The following RSRP1 variants were observed in gnomAD, a reference collection of about 807,000 sequenced individuals.
RSRP1 encodes arginine/serine-rich protein 1.
A neutral mutation model predicts 33.0 loss-of-function variants in RSRP1; 37 were observed. The ratio of observed to expected loss-of-function variants is 1.12; its 90% CI spans 0.86 to 1.48. The LOEUF (loss-of-function observed/expected upper bound fraction) is 1.48. RSRP1 is among the 40% of genes most tolerant of loss of function. RSRP1 has a pLI of 0.00. For synonymous variants in RSRP1, 167 were observed against 158.7 expected (o/e 1.05, Z -0.40); for missense variants, 402 against 385.3 (o/e 1.04, Z -0.36).
intron 1 of RSRP1, chr1:25,307,941 C>T: frequency 1.3e-6 from 1 of 790,658 alleles, no homozygotes; most frequent in Non-Finnish European, 2.0e-6. Flanking sequence ...AGAACCTTTC[C>T]TGTCTCTGGG....
chr1:25,290,606 T>G, intron 1 of RSRP1: 1 of 1,339,214 alleles, frequency 7.5e-7, no homozygotes, highest in Non-Finnish European at 1.1e-6. Flanking sequence ...GCATCCTTCC[T>G]TCTCAGTCGT....
intron 1 of RSRP1, among the ~76,000 whole-genome samples, chr1:25,302,397 G>A (rs1643458448): frequency 7.8e-6 from 1 of 128,558 alleles, no homozygotes; most frequent in African/African-American, 2.7e-5. Context: ...AGGCACTGGG[G>A]GGGCTGGAGT....
intron 1 of RSRP1, among the ~76,000 whole-genome samples, chr1:25,312,955 A>AAAAAAAAAATT: frequency 9.1e-6 from 1 of 109,972 alleles, no homozygotes; most frequent in Admixed American, 9.0e-5. Flanking sequence ...AAAAAAAAAA[A>AAAAAAAAAATT]CTTTAGTGCT....
chr1:25,269,524 G>C (rs1443521064), intron 1 of RSRP1, among the ~76,000 whole-genome samples: 1 of 132,568 alleles, frequency 7.5e-6, no homozygotes, highest in Non-Finnish European at 1.8e-5. Flanking sequence ...TGAAAGACTT[G>C]TACAGTGAAA....
At chr1:25,244,247 T>A (rs922115998) in intron 3 of RSRP1, 8 of 1,289,246 alleles carry the variant, frequency 6.2e-6, no homozygotes, top group South Asian at 2.5e-5. Context: ...GCATATATTA[T>A]GAAAGGGACA....
At chr1:25,306,522 A>G in intron 1 of RSRP1, 4 of 1,295,826 alleles carry the variant, frequency 3.1e-6, no homozygotes, top group Non-Finnish European at 4.4e-6. Flanking sequence ...CCGGATACCA[A>G]GGGTGTGTGA....
intron 1 of RSRP1, among the ~76,000 whole-genome samples, chr1:25,320,100 G>A (rs1310381889): frequency 7.6e-6 from 1 of 131,226 alleles, no homozygotes; most frequent in Non-Finnish European, 1.8e-5. Flanking sequence ...GTTTCTCCAT[G>A]TTGGTCATGC....
Position 25,301,135 on chromosome 1 carries a change from G to A in RSRP1, c.-67+36843C>T, listed in dbSNP as rs777423423. On this transcript the variant is annotated intron_variant, in intron 1 of 1. Coordinates refer to the RSRP1 transcript ENST00000561867. ...GTGAGTGGTCTCCTACTTGGGCTGAGCAGAATGGCTCAGAAAAGGCTCTGG... is the reference window on the plus strand; with the variant it reads ...GTGAGTGGTCTCCTACTTGGGCTGAACAGAATGGCTCAGAAAAGGCTCTGG... 3.7e-6 allele frequency: 5 copies of A among 1,360,598 alleles called. No homozygotes were observed. The South Asian group carries it at 4.7e-5, about 13-fold the overall frequency. The allele number at this position is 1,360,598 out of a possible 1,614,324, so 84.3% of individuals were successfully genotyped here. A position where few individuals can be genotyped will look rare whatever the true frequency, so the allele number is the denominator to read the frequency against.
At chr1:25,329,079 C>T (rs536653464) in intron 1 of RSRP1, 1 of 1,318,824 alleles carries the variant, frequency 7.6e-7, no homozygotes, top group African/African-American at 1.4e-5. Context: ...AATCCTTTCT[C>T]TGCCACTCTT....
rs952807041 is a variant in RSRP1 at position 25,259,092 on chromosome 1, CT to C, written c.-66-12064del. ...GCTAAGGTTAATTTATTATTATTCC[CT>C]TTTTTTTTTCTTTTTTTTGAGATGT... On this transcript the variant is annotated intron_variant, in intron 1 of 1. Coordinates refer to the RSRP1 transcript ENST00000561867. Among the ~76,000 whole-genome samples, 310 of 149,122 alleles carry C rather than the reference CT, an allele frequency of 2.1e-3. 1 individual carries two copies. The highest frequency in any genetic ancestry group is 6.5e-3 in the African/African-American group (266 of 40,656).
rs1213351582 is a variant in RSRP1, at chr1:25,274,347, A to G, written c.-66-27318T>C. Among the ~76,000 whole-genome samples the G allele has an allele frequency of 1.1e-4, 14 of 132,234 alleles. 3 individuals are homozygous for G. The highest frequency in any genetic ancestry group is 1.8e-4 in the Non-Finnish European group (10 of 55,744). 86.8% of individuals were successfully genotyped at this position (132,234 alleles called of 152,430 possible). On this transcript the variant is annotated intron_variant, in intron 1 of 1. Coordinates refer to the RSRP1 transcript ENST00000561867. ...CTTAACCATTATGCATCATGGCCCC[A>G]TTTTACAGTGGGCTTGAGTCTTTGT...
At chr1:25,332,868 T>C (rs765290839) in intron 1 of RSRP1, among the ~76,000 whole-genome samples, 5 of 132,658 alleles carry the variant, frequency 3.8e-5, no homozygotes, top group Non-Finnish European at 7.1e-5. Context: ...AGGGCTCACA[T>C]GATTACAGAG....
rs543714504 is a variant in RSRP1, at chr1:25,269,377, A to G, written c.-66-22348T>C. Reference sequence around the variant, plus strand: ...CGCCATCATAAAGTTGAAAAGCGTTAAGTCAAACCATCGTACGTCGGAGGC... The same window carrying G: ...CGCCATCATAAAGTTGAAAAGCGTTGAGTCAAACCATCGTACGTCGGAGGC... On this transcript the variant is annotated intron_variant, in intron 1 of 1. Coordinates refer to the RSRP1 transcript ENST00000561867. Among the ~76,000 whole-genome samples, 268 of 133,020 alleles carry G rather than the reference A, an allele frequency of 2.0e-3. 71 individuals carry two copies. The highest frequency in any genetic ancestry group is 4.1e-3 in the Non-Finnish European group (232 of 56,020). 87.3% of individuals were successfully genotyped at this position (133,020 alleles called of 152,430 possible).
At position 25,268,681 on chromosome 1, in the gene RSRP1, T is replaced by A. The variant is rs147199840; in HGVS notation, c.-66-21652A>T. Among the ~76,000 whole-genome samples the A allele has an allele frequency of 2.6e-4, 34 of 129,228 alleles. 6 individuals are homozygous for A. The highest frequency in any genetic ancestry group is 8.2e-4 in the African/African-American group (31 of 38,018). 84.8% of individuals were successfully genotyped at this position (129,228 alleles called of 152,430 possible). On this transcript the variant is annotated intron_variant, in intron 1 of 1. Coordinates refer to the RSRP1 transcript ENST00000561867. ...GGCAGTCAGAGGCCGGGCACAGTGG[T>A]TCACACCTATAATCCCAGCACTTTG...
Position 25,245,193 on chromosome 1 carries a change from G to GT in RSRP1, c.628dup (p.Thr210AsnfsTer10). The GT allele has an allele frequency of 1.2e-6, 2 of 1,614,036 alleles. No individual in the cohort carries two copies. The highest frequency in any genetic ancestry group is 1.7e-6 in the Non-Finnish European group (2 of 1,180,018). On this transcript the variant is annotated frameshift_variant, in exon 3 of 5. Coordinates refer to ENST00000243189, the MANE Select transcript of RSRP1 (RefSeq NM_020317.5). LOFTEE classifies it high-confidence loss of function. ...ACTTGATACACCTATTCCACGGCTT[G>GT]TTTCTTTGGCTGAAGGAACAGTTCT... is the stretch of plus-strand genomic sequence containing the variant.
At position 25,312,959 on chromosome 1, in the gene RSRP1, T is replaced by C. The variant is rs1311850292; in HGVS notation, c.-67+25019A>G. ...AAAAAAAAAAAAAAAAAAAAAACTT[T>C]AGTGCTATTGGAATGAATTTTGCAT... On this transcript the variant is annotated intron_variant, in intron 1 of 1. Transcript: ENST00000561867. 2.8e-3 allele frequency among the ~76,000 whole-genome samples: 87 copies of C among 31,254 alleles called. 18 individuals carry two copies. Among genetic ancestry groups the C allele is most frequent in the Non-Finnish European group, 9.8e-4 (9 of 9,224 alleles). The allele number at this position is 31,254 out of a possible 152,430, so 20.5% of individuals were successfully genotyped here.
intron 1 of RSRP1, among the ~76,000 whole-genome samples, chr1:25,286,656 G>A (rs1473707310): frequency 7.5e-5 from 10 of 133,320 alleles, no homozygotes; most frequent in African/African-American, 2.4e-4. Flanking sequence ...CGTGGTGGTG[G>A]GCGCCTGTAG....
chr1:25,245,271 G>A lies in RSRP1; in HGVS notation c.551C>T (p.Thr184Ile), dbSNP rs950162443. The change falls in exon 3 of 5, where the codon ACC (threonine) becomes ATC (isoleucine). Residue 184 changes from threonine to isoleucine, a missense_variant. Transcript: ENST00000243189. The part of the protein sequence containing the change: ...DRMELLEIAK[T>I]NAAKALGTTN... ...TGTTCCTAGAGCTTTCGCTGCATTG[G>A]TTTTTGCTATTTCTAACAGCTCCAT... 2 of 1,613,530 alleles carry A rather than the reference G, an allele frequency of 1.2e-6. No individual in the cohort carries two copies. The highest frequency in any genetic ancestry group is 1.3e-5 in the African/African-American group (1 of 74,782).
intron 1 of RSRP1, among the ~76,000 whole-genome samples, chr1:25,281,101 A>G (rs1641455473): frequency 7.5e-6 from 1 of 132,622 alleles, no homozygotes; most frequent in South Asian, 2.3e-4. Flanking sequence ...GGACTTGCCT[A>G]AGATCACTTA....
Sources: allele counts gnomAD v4.1 joint callset (sites outside exome capture counted in the v4.1 genomes callset), GRCh38; gene constraint gnomAD v4.1.1; transcripts MANE v1.5; gene names NCBI Gene and HGNC (gene_info 2026-07-23, HGNC 2026-07-21).